SEMA6C: variants seen among roughly 807,000 people sequenced by gnomAD.
SEMA6C encodes semaphorin-6C.
A neutral mutation model predicts 72.9 loss-of-function variants in SEMA6C; 37 were observed. The observed-to-expected ratio is 0.51, with a 90% confidence interval of 0.39 to 0.67. The LOEUF (loss-of-function observed/expected upper bound fraction) is 0.67, where lower values mean the gene tolerates loss of function less well. SEMA6C is among the 30% of genes least tolerant of loss of function. SEMA6C has a pLI of 0.00. For synonymous variants in SEMA6C, 578 were observed against 554.1 expected, an observed-to-expected ratio of 1.04 and a Z score of -0.61; for missense variants, 1,189 against 1,263.6, an observed-to-expected ratio of 0.94 and a Z score of 0.89.
At position 151,139,670 on chromosome 1, in the gene SEMA6C, C is replaced by T. The variant is rs143410634; in HGVS notation, c.265G>A (p.Glu89Lys). The T allele has an allele frequency of 3.7e-5, 59 of 1,606,236 alleles. No individual in the cohort carries two copies. The highest frequency in any genetic ancestry group is 1.1e-4 in the South Asian group (10 of 90,536). ...GGCACCAGCCCCTCCCCTTCTTCTT[C>T]GGCTTGAAGATCGAAGGAGAAAACG... ...DHVFSFDLQA[E>K]EEGEGLVPNK... is the part of the protein sequence containing the mutation. Residue 89 changes from glutamate (E) to lysine (K), a missense_variant, in exon 5 of 19, where the codon GAA (glutamate) becomes AAA (lysine). Glu to Lys is a moderately conservative substitution (Grantham distance 56). Coordinates refer to ENST00000368914, the MANE Select transcript of SEMA6C (RefSeq NM_030913.6).
Position 151,142,537 on chromosome 1 carries a change from C to T in SEMA6C, c.85G>A (p.Asp29Asn). The T allele has an allele frequency of 6.2e-7, 1 of 1,612,894 alleles. No homozygotes were observed. The highest frequency in any genetic ancestry group is 1.3e-5 in the African/African-American group (1 of 74,956). ...TCAGAGATCAACAGAGGGAGGGGGTCCTGGGGAAAGGCGGCCTGAGTATGG... is the reference window on the plus strand; with the variant it reads ...TCAGAGATCAACAGAGGGAGGGGGTTCTGGGGAAAGGCGGCCTGAGTATGG... ...LPHTQAAFPQ[D>N]PLPLLISDLQ... The change falls in exon 3 of 19, where the codon GAC becomes AAC. Residue 29 changes from aspartate (D) to asparagine (N), a missense_variant. By Grantham distance (23) the Asp-to-Asn change is conservative. Coordinates refer to ENST00000368914, the MANE Select transcript of SEMA6C (RefSeq NM_030913.6).
At position 151,138,831 on chromosome 1, in the gene SEMA6C, G is replaced by A. The variant is rs773043675; in HGVS notation, c.355-100C>T. ...TTACAGGGCGGGCGTGGTGGCTCAC[G>A]CCTGTAATCCTAGCACTTTGGGAGG... On this transcript the variant is annotated intron_variant, in intron 6 of 18. Transcript: ENST00000368914. 1.3e-5 allele frequency: 12 copies of A among 940,170 alleles called. No individual in the cohort carries two copies. The South Asian group carries it at 1.4e-4, about 11-fold the overall frequency. The allele number at this position is 940,170 out of a possible 1,614,324, so 58.2% of individuals were successfully genotyped here.
At chr1:151,141,668 C>A (rs1021040540) in intron 3 of SEMA6C, among the ~76,000 whole-genome samples, 4 of 151,894 alleles carry the variant, frequency 2.6e-5, no homozygotes, top group Non-Finnish European at 4.4e-5. Context: ...ACCTTGGCCT[C>A]CCAAAGTGCT....
intron 18 of SEMA6C, 69 bp downstream of exon 18, chr1:151,134,332 T>A: frequency 7.1e-7 from 1 of 1,414,588 alleles, no homozygotes; most frequent in Non-Finnish European, 9.8e-7. Context: ...GCTCTGCTGC[T>A]GCTACAGGAC....
At position 151,138,334 on chromosome 1, in the gene SEMA6C, T is replaced by C. The variant is rs1240245879; in HGVS notation, c.529A>G (p.Asn177Asp). The C allele has an allele frequency of 6.2e-7, 1 of 1,614,018 alleles. No individual in the cohort carries two copies. Among genetic ancestry groups the C allele is most frequent in the Middle Eastern group, 1.7e-4 (1 of 6,060 alleles). Reference sequence around the variant, plus strand: ...TGCACACCTGCAAAGATGGCCACGTTGGACTGGGTGGCATCAAAGGGGCAT... The same window carrying C: ...TGCACACCTGCAAAGATGGCCACGTCGGACTGGGTGGCATCAAAGGGGCAT... Reference protein sequence around the residue: ...ARCPFDATQSNVAIFAEGSLY... With the variant: ...ARCPFDATQSDVAIFAEGSLY... The change falls in exon 8 of 19, where the codon AAC (asparagine) becomes GAC (aspartate). Residue 177 changes from asparagine (N) to aspartate (D), a missense_variant. This residue lies in a region of SEMA6C where 468 missense variants were observed against 577.4 expected (regional missense o/e 0.81). Coordinates refer to ENST00000368914, the MANE Select transcript of SEMA6C (RefSeq NM_030913.6).
intron 2 of SEMA6C, among the ~76,000 whole-genome samples, chr1:151,143,854 C>T (rs903605740): frequency 6.6e-6 from 1 of 152,114 alleles, no homozygotes; most frequent in Non-Finnish European, 1.5e-5. Context: ...TATCCTTCAC[C>T]AATCCTTAGT....
intron 1 of SEMA6C, among the ~76,000 whole-genome samples, 172 bp from the exon 2 acceptor site, chr1:151,144,606 G>C (rs115344530): frequency 1.3e-5 from 2 of 152,186 alleles, no homozygotes; most frequent in Non-Finnish European, 1.5e-5. Context: ...TGGTTACAAA[G>C]GTGCTGGTGG....
intron 8 of SEMA6C, 74 bp from the exon 9 acceptor site, chr1:151,138,179 AC>A (rs1682221278): frequency 1.9e-6 from 3 of 1,593,136 alleles, no homozygotes; most frequent in Admixed American, 3.4e-5. Context: ...GGCCTCCTGC[AC>A]CCCTACCTAG....
chr1:151,132,144 A>C lies in SEMA6C; in HGVS notation c.*340T>G. ...CAGAAGGCCCGAGGACTCTGGACAC[A>C]GCGCGCGCGGCCCGCCCGGGGCACA... is the stretch of plus-strand genomic sequence containing the variant. On this transcript the variant is annotated 3_prime_UTR_variant, in exon 19 of 19. Coordinates refer to ENST00000368914, the MANE Select transcript of SEMA6C (RefSeq NM_030913.6). 9.3e-6 allele frequency: 12 copies of C among 1,286,856 alleles called. No individual in the cohort carries two copies. The highest frequency in any genetic ancestry group is 1.5e-5 in the African/African-American group (1 of 66,840). 79.7% of individuals were successfully genotyped at this position (1,286,856 alleles called of 1,614,324 possible). A position where few individuals can be genotyped will look rare whatever the true frequency, so the allele number is the denominator to read the frequency against.
chr1:151,137,840 T>TAGAAGA, intron 9 of SEMA6C, 41 bp from the exon 10 acceptor site: 1 of 1,597,314 alleles, frequency 6.3e-7, no homozygotes, highest in Non-Finnish European at 8.6e-7. Context: ...GAAGAGTATC[T>TAGAAGA]GTACCTGCTC....
At position 151,136,517 on chromosome 1, in the gene SEMA6C, T is replaced by G. The variant is rs141765997; in HGVS notation, c.1037A>C (p.Lys346Thr). Reference protein sequence around the residue: ...LDEIERGFEGKFKEQRSLDGA... With the variant: ...LDEIERGFEGTFKEQRSLDGA... The stretch of plus-strand genomic sequence containing the variant: ...ATCCAGACTCCTCTGCTCCTTGAAC[T>G]TGCCCTCAAACCCACGCTCAATCTC... The change falls in exon 12 of 19, where the codon AAG becomes ACG. Residue 346 changes from lysine (K) to threonine (T), a missense_variant. Around this residue, in one of 2 missense-constraint regions of SEMA6C, gnomAD observed 468 missense variants for 577.4 expected, o/e 0.81. Transcript: ENST00000368914. The G allele has an allele frequency of 1.1e-4, 173 of 1,614,062 alleles. No individual in the cohort carries two copies. The highest frequency in any genetic ancestry group is 1.4e-4 in the Non-Finnish European group (168 of 1,180,014).
rs144932948 is a variant in SEMA6C at position 151,135,726 on chromosome 1, C to T, written c.1298G>A (p.Gly433Asp). 2 of 1,614,018 alleles carry T rather than the reference C, an allele frequency of 1.2e-6. No individual in the cohort carries two copies. Among genetic ancestry groups the T allele is most frequent in the Non-Finnish European group, 1.7e-6 (2 of 1,179,998 alleles). Residue 433 changes from glycine (G) to aspartate (D), a missense_variant, in exon 14 of 19, where the codon GGT (glycine) becomes GAT (aspartate). Coordinates refer to ENST00000368914, the MANE Select transcript of SEMA6C (RefSeq NM_030913.6). ...CATGACTGTGATGTTACTGTGGGGA[C>T]CAGCCATGCCATCCACAGCTACTTG... is the stretch of plus-strand genomic sequence containing the variant. ...LTQVAVDGMA[G>D]PHSNITVMFL...
At position 151,136,122 on chromosome 1, in the gene SEMA6C, G is replaced by A. The variant is rs1310558523; in HGVS notation, c.1148C>T (p.Ser383Phe). 6.2e-7 allele frequency: 1 copy of A among 1,614,080 alleles called. No individual in the cohort carries two copies. The highest frequency in any genetic ancestry group is 8.5e-7 in the Non-Finnish European group (1 of 1,180,020). The change falls in exon 13 of 19, where the codon TCC becomes TTC. Residue 383 changes from serine (S) to phenylalanine (F), a missense_variant. Physicochemically the swap from Ser to Phe is radical, Grantham distance 155 (BLOSUM62 -2). Coordinates refer to ENST00000368914, the MANE Select transcript of SEMA6C (RefSeq NM_030913.6). ...ATCATCAGGGAGGTCTCGGGAAGAG[G>A]AGAACAAGGCAGCTCCCCCTACTCC... Reference protein sequence around the residue: ...CAGVGGAALFSSSRDLPDDVL... With the variant: ...CAGVGGAALFFSSRDLPDDVL...
rs964405434 is a variant in SEMA6C at position 151,134,112 on chromosome 1, C to A, written c.1759+289G>T. 6.4e-6 allele frequency: 8 copies of A among 1,248,216 alleles called. No homozygotes were observed. In the African/African-American group the frequency reaches 9.1e-5, roughly 14 times the overall value. The allele number at this position is 1,248,216 out of a possible 1,614,324, so 77.3% of individuals were successfully genotyped here. A position where few individuals can be genotyped will look rare whatever the true frequency, so the allele number is the denominator to read the frequency against. On this transcript the variant is annotated intron_variant, in intron 18 of 18. Coordinates refer to ENST00000368914, the MANE Select transcript of SEMA6C (RefSeq NM_030913.6). ...GGCTCTTGATCTCTACCCCTGACAC[C>A]CTTCCAGGGGTCCTTCCTCCCTCCT...
intron 15 of SEMA6C, 139 bp downstream of exon 15, chr1:151,135,024 A>T: frequency 7.2e-7 from 1 of 1,383,594 alleles, no homozygotes; most frequent in Non-Finnish European, 1.0e-6. Context: ...GTTGCTGCCC[A>T]CCTTCAGAAT....
At chr1:151,143,621 A>C (rs1425865281) in intron 2 of SEMA6C, among the ~76,000 whole-genome samples, 1 of 152,152 alleles carries the variant, frequency 6.6e-6, no homozygotes, top group Non-Finnish European at 1.5e-5. Flanking sequence ...CAGGCAGGTA[A>C]TTGTAGCCCA....
rs1168979357 is a variant in SEMA6C, at chr1:151,133,181, G to A, written c.2096C>T (p.Pro699Leu). Residue 699 changes from proline to leucine, a missense_variant, in exon 19 of 19, where the codon CCC (proline) becomes CTC (leucine). Around this residue, in one of 2 missense-constraint regions of SEMA6C, gnomAD observed 721 missense variants for 686.2 expected, o/e 1.05. Coordinates refer to ENST00000368914, the MANE Select transcript of SEMA6C (RefSeq NM_030913.6). The surrounding 1 kb of genome is among the most constrained non-coding windows in gnomAD (Gnocchi z 5.9). The stretch of plus-strand genomic sequence containing the variant: ...CAGCTCCGGCGTGGACTCGGGGGTG[G>A]GCAGGCAGGCCAGCTCCGGCGGGGG... Reference protein sequence around the residue: ...GVPPPELACLPTPESTPELPV... With the variant: ...GVPPPELACLLTPESTPELPV... 1 of 1,562,242 alleles carries A rather than the reference G, an allele frequency of 6.4e-7. No homozygotes were observed. Among genetic ancestry groups the A allele is most frequent in the Admixed American group, 1.8e-5 (1 of 54,166 alleles).
Position 151,135,637 on chromosome 1 carries a change from G to T in SEMA6C, c.1387C>A (p.Pro463Thr), listed in dbSNP as rs749912385. 1 of 1,614,198 alleles carries T rather than the reference G, an allele frequency of 6.2e-7. No individual in the cohort carries two copies. The highest frequency in any genetic ancestry group is 8.5e-7 in the Non-Finnish European group (1 of 1,180,028). ...VLTPGGRSGG[P>T]EPILLEEIDA... is the part of the protein sequence containing the mutation. ...ATCTCTTCCAGGAGGATGGGCTCAG[G>T]TCCCCCGGATCGCCCACCTGGGGTC... Residue 463 changes from proline (P) to threonine (T), a missense_variant, in exon 14 of 19, where the codon CCT becomes ACT. Around this residue, in one of 2 missense-constraint regions of SEMA6C, gnomAD observed 721 missense variants for 686.2 expected, o/e 1.05. Coordinates refer to ENST00000368914, the MANE Select transcript of SEMA6C (RefSeq NM_030913.6).
chr1:151,138,541 C>G, intron 7 of SEMA6C, 89 bp downstream of exon 7: 1 of 1,462,750 alleles, frequency 6.8e-7, no homozygotes, highest in Non-Finnish European at 9.5e-7. Flanking sequence ...CATTCCCCAA[C>G]CGCAGTCCTT....
Sources: gnomAD v4.1 joint callset for allele counts (sites outside exome capture counted in the v4.1 genomes callset) on GRCh38, gnomAD v4.1.1 for gene constraint, gnomAD v4.1.1 regional missense constraint, Gnocchi (gnomAD v3.1) non-coding constraint, MANE v1.5 for transcripts, NCBI Gene and HGNC (gene_info 2026-07-23, HGNC 2026-07-21) for gene names.